CSMD1: variants seen among roughly 807,000 people sequenced by gnomAD.
CSMD1 encodes the protein CUB and sushi domain-containing protein 1.
CSMD1 carries 213 observed loss-of-function variants against 417.5 expected under a neutral mutation model. The ratio of observed to expected loss-of-function variants is 0.51; its 90% CI spans 0.46 to 0.57. CSMD1 has a LOEUF of 0.57. Ranked by LOEUF, CSMD1 falls within the 20% of genes least tolerant of loss-of-function variation. The pLI, the probability that CSMD1 is intolerant of heterozygous loss-of-function variation, is 0.00. For synonymous variants in CSMD1, 2,862 were observed against 1,736.8 expected, an observed-to-expected ratio of 1.65 and a Z score of -16.11; for missense variants, 6,923 against 4,529.7, an observed-to-expected ratio of 1.53 and a Z score of -15.17.
At chr8:3,761,087 T>C (rs557410610) in intron 5 of CSMD1, among the ~76,000 whole-genome samples, 7 of 152,350 alleles carry the variant, frequency 4.6e-5, no homozygotes, top group South Asian at 2.1e-4. Flanking sequence ...ATGTTATGTT[T>C]TGAATTGGCT....
At position 4,012,808 on chromosome 8, in the gene CSMD1, G is replaced by A. The variant is rs558309723; in HGVS notation, c.611-14698C>T. ...CACAGTCTTCTCCATCTCAATAAAC[G>A]GTAACTCCATTCTTCCAGTGTTGCA... On this transcript the variant is annotated intron_variant, in intron 4 of 69. Transcript: ENST00000635120. Among the ~76,000 whole-genome samples the A allele has an allele frequency of 7.9e-5, 12 of 152,134 alleles. No individual in the cohort carries two copies. The East Asian group carries it at 1.7e-3, about 22-fold the overall frequency.
chr8:4,843,434 T>TACAACAACA (rs34061646), intron 1 of CSMD1, among the ~76,000 whole-genome samples: 2 of 151,352 alleles, frequency 1.3e-5, no homozygotes, highest in South Asian at 2.1e-4. Context: ...TTGGAGAGAT[T>TACAACAACA]ACAACAACAA....
At chr8:4,164,768 T>C (rs932248790) in intron 3 of CSMD1, among the ~76,000 whole-genome samples, 1 of 151,904 alleles carries the variant, frequency 6.6e-6, no homozygotes, top group African/African-American at 2.4e-5. Context: ...CCTAGCTACC[T>C]GGGAGGCGGA....
At chr8:4,512,935 T>C (rs1197844286) in intron 2 of CSMD1, among the ~76,000 whole-genome samples, 1 of 152,140 alleles carries the variant, frequency 6.6e-6, no homozygotes, top group Non-Finnish European at 1.5e-5. Flanking sequence ...TCCAACTGTG[T>C]AATATTTTCG....
At chr8:4,780,629 T>G (rs1797108823) in intron 1 of CSMD1, among the ~76,000 whole-genome samples, 1 of 152,146 alleles carries the variant, frequency 6.6e-6, no homozygotes, top group African/African-American at 2.4e-5. Flanking sequence ...ATGAACAAGT[T>G]ATTTAGTAGT....
intron 3 of CSMD1, among the ~76,000 whole-genome samples, chr8:4,146,819 G>T (rs530142942): frequency 3.9e-4 from 58 of 149,346 alleles, no homozygotes; most frequent in Non-Finnish European, 8.0e-4. Flanking sequence ...ACCGTGTTAG[G>T]CAGGATAGTC....
chr8:4,674,541 A>G (rs2130957043), intron 1 of CSMD1, among the ~76,000 whole-genome samples: 1 of 152,264 alleles, frequency 6.6e-6, no homozygotes, highest in African/African-American at 2.4e-5. Context: ...GAGCAACTTG[A>G]CCATAATAGT....
At chr8:4,216,381 C>G (rs1685483260) in intron 3 of CSMD1, among the ~76,000 whole-genome samples, 1 of 152,306 alleles carries the variant, frequency 6.6e-6, no homozygotes, top group Middle Eastern at 3.4e-3. Flanking sequence ...CACACACCAT[C>G]AGAATAGTGT....
At chr8:3,503,664 T>C (rs1478050434) in intron 10 of CSMD1, among the ~76,000 whole-genome samples, 1 of 152,180 alleles carries the variant, frequency 6.6e-6, no homozygotes, top group Non-Finnish European at 1.5e-5. Context: ...CAGAGAGAAT[T>C]AGTCTCAGCT....
intron 10 of CSMD1, among the ~76,000 whole-genome samples, chr8:3,511,768 AT>A (rs1396509851): frequency 2.2e-4 from 3 of 13,938 alleles, no homozygotes; most frequent in African/African-American, 5.7e-4. Flanking sequence ...AAAAAATAAC[AT>A]AACATAACAT....
intron 12 of CSMD1, among the ~76,000 whole-genome samples, chr8:3,463,405 A>G (rs879851576): frequency 6.6e-6 from 1 of 152,238 alleles, no homozygotes; most frequent in African/African-American, 2.4e-5. Flanking sequence ...AAGGAGGTAC[A>G]CATTATAAAC....
intron 25 of CSMD1, among the ~76,000 whole-genome samples, chr8:3,302,952 A>C (rs2117352455): frequency 6.6e-6 from 1 of 152,318 alleles, no homozygotes; most frequent in East Asian, 1.9e-4. Context: ...AAGGTCACCC[A>C]TGACCAGCAA....
At chr8:3,291,777 G>C (rs1584941179) in intron 25 of CSMD1, among the ~76,000 whole-genome samples, 1 of 151,642 alleles carries the variant, frequency 6.6e-6, no homozygotes, top group Non-Finnish European at 1.5e-5. Flanking sequence ...CAAAAAGTCA[G>C]CTCCTGGATT....
intron 7 of CSMD1, among the ~76,000 whole-genome samples, chr8:3,666,101 G>T (rs1798680005): frequency 1.3e-5 from 2 of 152,142 alleles, no homozygotes; most frequent in Admixed American, 1.3e-4. Flanking sequence ...TCACCATGTT[G>T]GCCAGGCTGG....
At chr8:3,282,468 C>G (rs1419800781) in intron 26 of CSMD1, among the ~76,000 whole-genome samples, 1 of 152,098 alleles carries the variant, frequency 6.6e-6, no homozygotes, top group Admixed American at 6.6e-5. Flanking sequence ...TTTTGTTTTG[C>G]TAAATAAGGC....
At chr8:4,322,703 A>C (rs1318414566) in intron 3 of CSMD1, among the ~76,000 whole-genome samples, 1 of 152,242 alleles carries the variant, frequency 6.6e-6, no homozygotes, top group East Asian at 1.9e-4. Context: ...CAAGGTTGAA[A>C]ATGCAGTAGG....
At chr8:3,280,134 T>G (rs1284025021) in intron 26 of CSMD1, among the ~76,000 whole-genome samples, 1 of 152,244 alleles carries the variant, frequency 6.6e-6, no homozygotes, top group Non-Finnish European at 1.5e-5. Flanking sequence ...GCCCCATCTC[T>G]TCACCCATGC....
chr8:3,632,727 A>T (rs541960720), intron 7 of CSMD1, among the ~76,000 whole-genome samples: 94 of 152,084 alleles, frequency 6.2e-4, no homozygotes, highest in South Asian at 1.5e-3. Context: ...TAAAAAGATG[A>T]CCACACCAAT....
chr8:3,025,625 A>G (rs1809814593), intron 51 of CSMD1, among the ~76,000 whole-genome samples: 1 of 152,220 alleles, frequency 6.6e-6, no homozygotes, highest in African/African-American at 2.4e-5. Context: ...CCATCAATAT[A>G]TTTTATTTTA....
Sources: allele counts gnomAD v4.1 joint callset (sites outside exome capture counted in the v4.1 genomes callset), GRCh38; gene constraint gnomAD v4.1.1; transcripts MANE v1.5; gene names NCBI Gene and HGNC (gene_info 2026-07-23, HGNC 2026-07-21).